Variants in NXPE2 observed in about 807,000 individuals in gnomAD.
The protein encoded by NXPE2 is neurexophilin and PC-esterase domain family member 2.
Under a neutral mutation model 34.4 loss-of-function variants are expected in NXPE2, and 34 were observed. That is an observed-to-expected ratio of 0.99 (90% CI 0.75 to 1.31). The LOEUF is 1.31. Among genes scored for constraint, NXPE2 ranks in the 40% most tolerant of loss-of-function variants. The pLI is 0.00. For missense variants in NXPE2, 649 were observed against 672.5 expected (o/e 0.97, Z 0.39); for synonymous variants, 235 against 231.3 (o/e 1.02, Z -0.15).
At chr11:114,679,498 CT>C (rs1555075841) in intron 1 of NXPE2, among the ~76,000 whole-genome samples, 158 bp from the exon 2 acceptor site, 1 of 151,942 alleles carries the variant, frequency 6.6e-6, no homozygotes, top group Non-Finnish European at 1.5e-5. Context: ...CAGGGAAACA[CT>C]TTGTTTCTGA....
chr11:114,536,080 G>A, the NXPE2 span, among the ~76,000 whole-genome samples: 20,259 of 152,054 alleles, frequency 0.13, 1,468 homozygotes, highest in South Asian at 0.23. Context: ...ATAACAAACT[G>A]TCTCTCAGAC....
the NXPE2 span, among the ~76,000 whole-genome samples, chr11:114,642,234 G>A: frequency 2.4e-4 from 36 of 151,986 alleles, no homozygotes; most frequent in African/African-American, 8.2e-4. Flanking sequence ...AAAAAACCCG[G>A]TCTAACAATG....
chr11:114,567,025 G>A, the NXPE2 span, among the ~76,000 whole-genome samples: 1 of 152,160 alleles, frequency 6.6e-6, no homozygotes, highest in Non-Finnish European at 1.5e-5. Flanking sequence ...GGCTTGGGAG[G>A]GGCATTGCAG....
the NXPE2 span, among the ~76,000 whole-genome samples, chr11:114,633,113 A>G: frequency 8.3e-6 from 1 of 120,516 alleles, no homozygotes; most frequent in African/African-American, 3.3e-5. Flanking sequence ...TTTACATTAT[A>G]TTTTATATAA....
the NXPE2 span, among the ~76,000 whole-genome samples, chr11:114,774,759 A>G: frequency 3.3e-5 from 5 of 152,004 alleles, no homozygotes; most frequent in Admixed American, 2.0e-4. Flanking sequence ...TCTTGACTCA[A>G]GCCCGAGCTC....
At chr11:114,641,051 A>C in the NXPE2 span, among the ~76,000 whole-genome samples, 1 of 151,872 alleles carries the variant, frequency 6.6e-6, no homozygotes, top group South Asian at 2.1e-4. Context: ...ACAAGACATC[A>C]GAAAGAAGAA....
chr11:114,552,735 A>G, the NXPE2 span: 1 of 214,282 alleles, frequency 4.7e-6, no homozygotes, highest in Non-Finnish European at 8.0e-6. Context: ...GCGTATGGAT[A>G]TGTTTCAGCA....
the NXPE2 span, among the ~76,000 whole-genome samples, chr11:114,770,028 T>C: frequency 6.6e-6 from 1 of 152,204 alleles, no homozygotes; most frequent in Non-Finnish European, 1.5e-5. Context: ...CAACTACTTT[T>C]CTGTGGAAAG....
At chr11:114,682,576 C>T (rs953535723) in intron 2 of NXPE2, among the ~76,000 whole-genome samples, 1 of 152,142 alleles carries the variant, frequency 6.6e-6, no homozygotes, top group African/African-American at 2.4e-5. Flanking sequence ...CTCAATGTCA[C>T]AAGGACTTTA....
At chr11:114,647,692 CTT>C in the NXPE2 span, among the ~76,000 whole-genome samples, 1 of 149,622 alleles carries the variant, frequency 6.7e-6, no homozygotes, top group African/African-American at 2.5e-5. Flanking sequence ...ATTTGGGAGA[CTT>C]ATTTTATTTT....
the NXPE2 span, among the ~76,000 whole-genome samples, chr11:114,777,954 T>C: frequency 6.6e-6 from 1 of 152,236 alleles, no homozygotes; most frequent in South Asian, 2.1e-4. Context: ...ACATGGTCTC[T>C]GCTTTTACCT....
At chr11:114,538,368 G>T in the NXPE2 span, among the ~76,000 whole-genome samples, 2 of 152,096 alleles carry the variant, frequency 1.3e-5, no homozygotes, top group African/African-American at 4.8e-5. Flanking sequence ...CATAGGCATG[G>T]GCAAGGACTT....
At chr11:114,676,760 T>C (rs1042668964), upstream of NXPE2, among the ~76,000 whole-genome samples, 2 of 152,078 alleles carry the variant, frequency 1.3e-5, no homozygotes, top group Admixed American at 6.6e-5. Flanking sequence ...AATGGGTATA[T>C]ATCCAAAGGA....
At chr11:114,596,757 A>G in the NXPE2 span, among the ~76,000 whole-genome samples, 1 of 152,226 alleles carries the variant, frequency 6.6e-6, no homozygotes, top group African/African-American at 2.4e-5. Context: ...GATGCCAGCA[A>G]CCACCCAAGT....
the NXPE2 span, among the ~76,000 whole-genome samples, chr11:114,715,688 T>A: frequency 1.3e-4 from 20 of 152,164 alleles, no homozygotes; most frequent in African/African-American, 4.8e-4. Context: ...AAAAATATAG[T>A]GAAACTGTGG....
At chr11:114,786,901 C>T in the NXPE2 span, among the ~76,000 whole-genome samples, 2 of 152,118 alleles carry the variant, frequency 1.3e-5, no homozygotes, top group African/African-American at 2.4e-5. Flanking sequence ...TTGGCTGGTG[C>T]CATTCACCCA....
the NXPE2 span, among the ~76,000 whole-genome samples, chr11:114,566,513 A>G: frequency 6.6e-6 from 1 of 152,256 alleles, no homozygotes. Context: ...CATTGGATTT[A>G]GCAACACAAA....
At chr11:114,546,755 G>T in the NXPE2 span, among the ~76,000 whole-genome samples, 2 of 152,122 alleles carry the variant, frequency 1.3e-5, no homozygotes, top group South Asian at 4.1e-4. Context: ...TAGGGCTGGG[G>T]CAGGGAATAT....
At chr11:114,529,986 A>G in the NXPE2 span, 4 of 561,492 alleles carry the variant, frequency 7.1e-6, no homozygotes, top group East Asian at 1.1e-4. Context: ...ACATGACTGA[A>G]TGGGACAATA....
Sources: gnomAD v4.1 joint callset for allele counts (sites outside exome capture counted in the v4.1 genomes callset) on GRCh38, gnomAD v4.1.1 for gene constraint, MANE v1.5 for transcripts, NCBI Gene and HGNC (gene_info 2026-07-23, HGNC 2026-07-21) for gene names.